The following CDH23 variants were observed in gnomAD, a reference collection of about 807,000 sequenced individuals.
CDH23 encodes the protein cadherin related 23, also known as cadherin-23.
Under a neutral mutation model 317.1 loss-of-function variants are expected in CDH23, and 189 were observed. That is an observed-to-expected ratio of 0.60 (90% CI 0.53 to 0.67). CDH23 has a LOEUF of 0.67. Among genes scored for constraint, CDH23 ranks in the 30% least tolerant of loss-of-function variants. The probability of loss-of-function intolerance (pLI) is 0.00; values close to 1 mark genes in which losing one functional copy is unlikely to be tolerated. For synonymous variants in CDH23, 1,839 were observed against 1,876.8 expected (o/e 0.98, Z 0.52); for missense variants, 4,401 against 4,592.4 (o/e 0.96, Z 1.20).
chr10:71,784,434 C>A lies in CDH23; in HGVS notation c.5502+14C>A. 1 of 1,609,484 alleles carries A rather than the reference C, an allele frequency of 6.2e-7. No individual in the cohort carries two copies. Among genetic ancestry groups the A allele is most frequent in the South Asian group, 1.1e-5 (1 of 90,530 alleles). ...CTCAGCTCCACAGTGAGTCTGGGGG[C>A]CCCACCCGCTGGCTTCACCTCGCTG... On this transcript the variant is annotated intron_variant, in intron 42 of 69. Coordinates refer to ENST00000224721, the MANE Select transcript of CDH23 (RefSeq NM_022124.6).
chr10:71,702,745 C>T (rs1865640095), intron 24 of CDH23, 51 bp downstream of exon 24: 2 of 1,606,676 alleles, frequency 1.2e-6, no homozygotes, highest in Admixed American at 3.3e-5. Flanking sequence ...GCAGTGGGTG[C>T]CTGAGGAGCC....
rs532786980 is a variant in CDH23, at chr10:71,790,476, T to C, written c.6049+63T>C. ...TCTGGGGTGGGGATGGCCACACTGC[T>C]GGATTGAGGGCCTCCCTTCTCAGTG... On this transcript the variant is annotated intron_variant, in intron 46 of 69. Transcript: ENST00000224721. 3.2e-6 allele frequency: 5 copies of C among 1,580,968 alleles called. No homozygotes were observed. The East Asian group carries it at 9.1e-5, about 29-fold the overall frequency.
At chr10:71,622,405 G>T (rs1022996894) in intron 11 of CDH23, among the ~76,000 whole-genome samples, 2 of 152,040 alleles carry the variant, frequency 1.3e-5, no homozygotes, top group Admixed American at 1.3e-4. Flanking sequence ...TTTGTTGCGC[G>T]GGTTGGAATT....
chr10:71,732,446 C>T lies in CDH23; in HGVS notation c.4104+71C>T, dbSNP rs1423182334. 2.0e-6 allele frequency: 3 copies of T among 1,536,426 alleles called. No individual in the cohort carries two copies. The East Asian group carries it at 7.4e-5, about 38-fold the overall frequency. ...ACATTGGTTGAGCTCCTTCTGTGTGCACAGCACTCTCCTCTTTGTCATAAA... is the reference window on the plus strand; with the variant it reads ...ACATTGGTTGAGCTCCTTCTGTGTGTACAGCACTCTCCTCTTTGTCATAAA... On this transcript the variant is annotated intron_variant, in intron 32 of 69. Transcript: ENST00000224721.
At chr10:71,809,112 C>G (rs898938771) in intron 60 of CDH23, among the ~76,000 whole-genome samples, 5 of 147,972 alleles carry the variant, frequency 3.4e-5, no homozygotes, top group African/African-American at 1.2e-4. Context: ...TAAGAGAAGA[C>G]TATGCTGTAC....
intron 18 of CDH23, among the ~76,000 whole-genome samples, chr10:71,687,249 C>A (rs1864944082): frequency 6.6e-6 from 1 of 152,172 alleles, no homozygotes; most frequent in Non-Finnish European, 1.5e-5. Context: ...CCTGGTGGAC[C>A]TACGCAGGGG....
intron 6 of CDH23, among the ~76,000 whole-genome samples, chr10:71,555,129 T>G (rs1396538130): frequency 2.6e-5 from 4 of 152,204 alleles, no homozygotes; most frequent in Non-Finnish European, 5.9e-5. Flanking sequence ...TATGAGATTA[T>G]GACTCTAAAT....
At chr10:71,757,372 C>A (rs1172935730) in intron 38 of CDH23, among the ~76,000 whole-genome samples, 1 of 152,190 alleles carries the variant, frequency 6.6e-6, no homozygotes, top group Admixed American at 6.5e-5. Context: ...ACTTTGAGAG[C>A]CTGAGGCTTC....
chr10:71,742,138 G>C (rs1839754142), intron 38 of CDH23: 2 of 578,128 alleles, frequency 3.5e-6, no homozygotes, highest in Non-Finnish European at 6.1e-6. Flanking sequence ...GGCCTCCCGA[G>C]TCTATAGCTA....
chr10:71,569,487 C>G (rs1025487183), intron 7 of CDH23, among the ~76,000 whole-genome samples: 11 of 152,220 alleles, frequency 7.2e-5, no homozygotes, highest in African/African-American at 2.7e-4. Flanking sequence ...TTCACTTGAG[C>G]CCCTTCATCT....
chr10:71,445,130 G>A (rs571861905), intron 2 of CDH23, among the ~76,000 whole-genome samples: 3 of 152,344 alleles, frequency 2.0e-5, no homozygotes, highest in South Asian at 4.1e-4. Flanking sequence ...TTAACAGCAC[G>A]AGCTTTGGGG....
intron 3 of CDH23, among the ~76,000 whole-genome samples, chr10:71,462,870 A>G (rs1055309217): frequency 2.6e-5 from 4 of 152,220 alleles, no homozygotes; most frequent in Non-Finnish European, 2.9e-5. Flanking sequence ...CAATCTTCAG[A>G]CACAGGCAAC....
At chr10:71,499,134 T>A (rs1471236802) in intron 3 of CDH23, among the ~76,000 whole-genome samples, 5 of 152,106 alleles carry the variant, frequency 3.3e-5, no homozygotes, top group Non-Finnish European at 7.3e-5. Flanking sequence ...TCATGTTAAG[T>A]GAAATAAGCC....
intron 6 of CDH23, among the ~76,000 whole-genome samples, chr10:71,517,586 T>C (rs1400700923): frequency 1.3e-5 from 2 of 152,164 alleles, no homozygotes; most frequent in East Asian, 3.8e-4. Flanking sequence ...GGGCTCCCAC[T>C]GGCTTGTGCC....
intron 3 of CDH23, among the ~76,000 whole-genome samples, chr10:71,471,661 T>A (rs1418619012): frequency 3.3e-5 from 5 of 152,102 alleles, no homozygotes; most frequent in African/African-American, 2.4e-5. Flanking sequence ...GTGAGAACTT[T>A]TCCCCAAACC....
At chr10:71,673,987 C>G (rs1436190231) in intron 14 of CDH23, among the ~76,000 whole-genome samples, 5 of 151,944 alleles carry the variant, frequency 3.3e-5, no homozygotes, top group Non-Finnish European at 5.9e-5. Flanking sequence ...GGGGTGGTGG[C>G]GGGGACAGAG....
At chr10:71,699,311 T>C (rs556227657) in intron 22 of CDH23, among the ~76,000 whole-genome samples, 1 of 152,354 alleles carries the variant, frequency 6.6e-6, no homozygotes, top group Non-Finnish European at 1.5e-5. Context: ...GACTAGGGCG[T>C]ATGGCCCAAG....
rs753568731 is a variant in CDH23, at chr10:71,439,780, G to T, written c.-5-47G>T. On this transcript the variant is annotated intron_variant, in intron 1 of 69. Transcript: ENST00000224721. ...GGAGGGGCTGAGGAGCAGACCCTCT[G>T]CCACCCAGGAAGCTTCTCACCCTCT... 1.3e-5 allele frequency: 18 copies of T among 1,432,632 alleles called. No individual in the cohort carries two copies. In the East Asian group the frequency reaches 3.0e-4, roughly 24 times the overall value. 88.7% of individuals were successfully genotyped at this position (1,432,632 alleles called of 1,614,324 possible). A position where few individuals can be genotyped will look rare whatever the true frequency, so the allele number is the denominator to read the frequency against.
intron 6 of CDH23, among the ~76,000 whole-genome samples, chr10:71,536,936 G>A (rs968711352): frequency 2.6e-5 from 4 of 152,134 alleles, no homozygotes; most frequent in Non-Finnish European, 5.9e-5. Flanking sequence ...GAGCCTTGAG[G>A]ACAGTCTGGC....
Sources: allele counts gnomAD v4.1 joint callset (sites outside exome capture counted in the v4.1 genomes callset), GRCh38; gene constraint gnomAD v4.1.1; transcripts MANE v1.5; gene names NCBI Gene and HGNC (gene_info 2026-07-23, HGNC 2026-07-21).